The following LAMA4 variants were observed in gnomAD, a reference collection of about 807,000 sequenced individuals.
LAMA4 encodes laminin subunit alpha-4.
A neutral mutation model predicts 207.1 loss-of-function variants in LAMA4; 127 were observed. The observed-to-expected ratio is 0.61, with a 90% confidence interval of 0.53 to 0.71. The LOEUF (loss-of-function observed/expected upper bound fraction) is 0.71. LAMA4 is among the 30% of genes least tolerant of loss of function. LAMA4 has a pLI of 0.00. For synonymous variants in LAMA4, 761 were observed against 816.0 expected (o/e 0.93, Z 1.15); for missense variants, 2,093 against 2,246.5 (o/e 0.93, Z 1.38).
intron 3 of LAMA4, among the ~76,000 whole-genome samples, 153 bp downstream of exon 3, chr6:112,216,215 G>A (rs1413977352): frequency 2.0e-5 from 3 of 152,208 alleles, no homozygotes; most frequent in Non-Finnish European, 2.9e-5. Context: ...TAGTTTATAT[G>A]AGTTGTTTCA....
At position 112,158,748 on chromosome 6, in the gene LAMA4, C is replaced by T. The variant is rs1554337589; in HGVS notation, c.1801G>A (p.Ala601Thr). ...GGATATTACCTGCTCAATTCATTAG[C>T]TTCTTGTTGAAGGTCCTGTGCATGG... Reference protein sequence around the residue: ...IDHAQDLQQEANELSRKLHSS... With the variant: ...IDHAQDLQQETNELSRKLHSS... Residue 601 changes from alanine to threonine, a missense_variant, in exon 14 of 39, where the codon GCT (alanine) becomes ACT (threonine). Physicochemically the swap from Ala to Thr is moderately conservative, Grantham distance 58. This residue lies in a region of LAMA4 where 1,704 missense variants were observed against 1,788.4 expected (regional missense o/e 0.95). Transcript: ENST00000230538. 1.9e-6 allele frequency: 3 copies of T among 1,613,786 alleles called. No individual in the cohort carries two copies. Among genetic ancestry groups the T allele is most frequent in the Non-Finnish European group, 2.5e-6 (3 of 1,179,744 alleles).
At chr6:112,131,630 G>A (rs1179027914) in intron 28 of LAMA4, among the ~76,000 whole-genome samples, 2 of 151,968 alleles carry the variant, frequency 1.3e-5, no homozygotes, top group African/African-American at 4.8e-5. Flanking sequence ...CCTTATATGG[G>A]CACCAACTTC....
chr6:112,240,248 A>G (rs1166890489), intron 2 of LAMA4, among the ~76,000 whole-genome samples: 3 of 151,732 alleles, frequency 2.0e-5, no homozygotes, highest in Non-Finnish European at 4.4e-5. Context: ...TTTATTTTTA[A>G]TCTTTGTATT....
At chr6:112,208,736 G>A (rs1436948459) in intron 3 of LAMA4, among the ~76,000 whole-genome samples, 1 of 152,150 alleles carries the variant, frequency 6.6e-6, no homozygotes, top group East Asian at 1.9e-4. Flanking sequence ...CAAAGGGGAA[G>A]AATCTTAATA....
In LAMA4 at chr6:112,154,548, T is replaced by TA. The variant is rs577499923; in HGVS notation, c.2056+302dup. On this transcript the variant is annotated intron_variant, in intron 16 of 38. Coordinates refer to ENST00000230538, the MANE Select transcript of LAMA4 (RefSeq NM_001105206.3). ...AGTGTATTTTAGGACATTTTTCCCCTAAAAATTGGTATTTATGGTAAGTTT... is the reference window on the plus strand; with the variant it reads ...AGTGTATTTTAGGACATTTTTCCCCTAAAAAATTGGTATTTATGGTAAGTTT... Among the ~76,000 whole-genome samples the TA allele has an allele frequency of 3.5e-4, 53 of 152,152 alleles. No homozygotes were observed. The South Asian group carries it at 0.011, about 30-fold the overall frequency.
intron 2 of LAMA4, among the ~76,000 whole-genome samples, chr6:112,238,595 T>C (rs9481241): frequency 0.044 from 6,626 of 152,120 alleles, 211 homozygotes; most frequent in East Asian, 0.15. Context: ...TAGTCCCAGC[T>C]ACTCCAGAGG....
intron 3 of LAMA4, among the ~76,000 whole-genome samples, chr6:112,212,471 A>G (rs921415857): frequency 5.3e-5 from 8 of 152,016 alleles, no homozygotes; most frequent in Admixed American, 5.2e-4. Context: ...TGATCCTCCC[A>G]CCTCGGCCTC....
In LAMA4 at chr6:112,172,806, T is replaced by C. The variant is rs1554342423; in HGVS notation, c.1358-2A>G. 1.2e-6 allele frequency: 2 copies of C among 1,612,802 alleles called. No individual in the cohort carries two copies. Among genetic ancestry groups the C allele is most frequent in the South Asian group, 1.1e-5 (1 of 90,950 alleles). On this transcript the variant is annotated splice_acceptor_variant, in intron 11 of 38. Transcript: ENST00000230538. LOFTEE classifies it high-confidence loss of function. ...GCCAGCTCTCAGCCTGGCTCAGTAC[T>C]GGGAAGAAATGGAGATAAAGGCTCA... is the stretch of plus-strand genomic sequence containing the variant.
chr6:112,249,466 A>T (rs1787268840), intron 2 of LAMA4, among the ~76,000 whole-genome samples: 1 of 150,512 alleles, frequency 6.6e-6, no homozygotes, highest in Non-Finnish European at 1.5e-5. Flanking sequence ...AAAAAAAAAA[A>T]AGGAATTCCC....
At chr6:112,159,987 C>G (rs1289460674) in intron 13 of LAMA4, among the ~76,000 whole-genome samples, 2 of 152,160 alleles carry the variant, frequency 1.3e-5, no homozygotes, top group Non-Finnish European at 2.9e-5. Flanking sequence ...TGTTGCCTGT[C>G]TGGGTGGGCA....
At chr6:112,139,001 TA>T in intron 24 of LAMA4, 118 bp downstream of exon 24, 1 of 1,051,216 alleles carries the variant, frequency 9.5e-7, no homozygotes, top group Non-Finnish European at 1.5e-6. Context: ...TTTGACTTTC[TA>T]AACTAGAATT....
intron 24 of LAMA4, among the ~76,000 whole-genome samples, chr6:112,138,381 C>T (rs1488773773): frequency 6.6e-6 from 1 of 152,092 alleles, no homozygotes; most frequent in Non-Finnish European, 1.5e-5. Context: ...AATAAAATTA[C>T]TGTTGAAATA....
In LAMA4 at chr6:112,117,790, G is replaced by A; in HGVS notation, c.4930C>T (p.Pro1644Ser). Residue 1644 changes from proline to serine, a missense_variant, in exon 35 of 39, where the codon CCC becomes TCC. Transcript: ENST00000230538. The surrounding 1 kb of genome is among the most constrained non-coding windows in gnomAD (Gnocchi z 4.5). ...GAAAAGTAAGTTCCTGTTTCCATGG[G>A]GCCTTCAAAGCAAGGGGTCACACTG... ...TFSVTPCFEG[P>S]METGTYFSTE... 5 of 1,613,782 alleles carry A rather than the reference G, an allele frequency of 3.1e-6. No homozygotes were observed. Among genetic ancestry groups the A allele is most frequent in the Non-Finnish European group, 4.2e-6 (5 of 1,179,792 alleles).
rs1787703806 is a variant in LAMA4 at position 112,254,280 on chromosome 6, C to A, written c.-130G>T. 2.1e-5 allele frequency: 23 copies of A among 1,119,988 alleles called. No homozygotes were observed. The South Asian group carries it at 3.1e-4, about 15-fold the overall frequency. The allele number at this position is 1,119,988 out of a possible 1,614,324, so 69.4% of individuals were successfully genotyped here. ...CGTGTGCAGTATCCCGAGGTGGCTG[C>A]GCAACCAGCAGCTTAGGAAATAAAG... is the stretch of plus-strand genomic sequence containing the variant. On this transcript the variant is annotated 5_prime_UTR_variant, in exon 2 of 39. Transcript: ENST00000230538.
At position 112,187,315 on chromosome 6, in the gene LAMA4, T is replaced by C. The variant is rs6938421; in HGVS notation, c.966+135A>G. 8.1e-3 allele frequency: 7,975 copies of C among 987,876 alleles called. 365 individuals are homozygous for C. In the African/African-American group the frequency reaches 0.11, roughly 13 times the overall value. 61.2% of individuals were successfully genotyped at this position (987,876 alleles called of 1,614,324 possible). A position where few individuals can be genotyped will look rare whatever the true frequency, so the allele number is the denominator to read the frequency against. On this transcript the variant is annotated intron_variant, in intron 8 of 38. Coordinates refer to ENST00000230538, the MANE Select transcript of LAMA4 (RefSeq NM_001105206.3). ...CCTATGAAATTACTTATGTTTTCTA[T>C]GTTAGACCTACAGGTCTAACAACCT...
In LAMA4 at chr6:112,224,300, A is replaced by G. The variant is rs73546238; in HGVS notation, c.196-7831T>C. On this transcript the variant is annotated intron_variant, in intron 2 of 38. Coordinates refer to ENST00000230538, the MANE Select transcript of LAMA4 (RefSeq NM_001105206.3). ...AGAATATCCTCCCTCCCTTTTATAC[A>G]TATATCCCTCCCTTGGGTATATATC... Among the ~76,000 whole-genome samples the G allele has an allele frequency of 7.4e-3, 1,120 of 151,434 alleles. 22 individuals are homozygous for G. Among genetic ancestry groups the G allele is most frequent in the African/African-American group, 0.025 (1,038 of 41,196 alleles).
chr6:112,253,991 G>A lies in LAMA4; in HGVS notation c.160C>T (p.Arg54Cys), dbSNP rs782506328. Residue 54 changes from arginine to cysteine, a missense_variant, in exon 2 of 39, where the codon CGC becomes TGC. By Grantham distance (180) the Arg-to-Cys change is radical. Transcript: ENST00000230538. ...RQDPPETSEP[R>C]VALGRLPPAA... ...GGCGGCAGGCGTCCCAGAGCCACGC[G>A]GGGTTCGCTCGTCTCAGGCGGGTCT... 3.2e-6 allele frequency: 5 copies of A among 1,586,392 alleles called. No homozygotes were observed. In the South Asian group the frequency reaches 4.5e-5, roughly 14 times the overall value.
intron 2 of LAMA4, chr6:112,253,472 TCTCA>T (rs1483347137): frequency 5.2e-6 from 2 of 383,140 alleles, no homozygotes; most frequent in Non-Finnish European, 9.9e-6. Flanking sequence ...GACCAGCCAC[TCTCA>T]CTCACCCCCT....
At chr6:112,216,082 ATTT>A (rs1784609840) in intron 3 of LAMA4, among the ~76,000 whole-genome samples, 1 of 152,150 alleles carries the variant, frequency 6.6e-6, no homozygotes, top group Non-Finnish European at 1.5e-5. Flanking sequence ...TCTATGTATC[ATTT>A]TCAATCCCAC....
Sources: gnomAD v4.1 joint callset for allele counts (sites outside exome capture counted in the v4.1 genomes callset) on GRCh38, gnomAD v4.1.1 for gene constraint, gnomAD v4.1.1 regional missense constraint, Gnocchi (gnomAD v3.1) non-coding constraint, MANE v1.5 for transcripts, NCBI Gene and HGNC (gene_info 2026-07-23, HGNC 2026-07-21) for gene names.